CSMD1: variants seen among roughly 807,000 people sequenced by gnomAD.
CSMD1 encodes the protein CUB and sushi domain-containing protein 1.
Under a neutral mutation model 417.5 loss-of-function variants are expected in CSMD1, and 213 were observed. The observed-to-expected ratio is 0.51, with a 90% CI of 0.46 to 0.57. The LOEUF (loss-of-function observed/expected upper bound fraction) is 0.57. CSMD1 is among the 20% of genes least tolerant of loss of function. The pLI, the probability that CSMD1 is intolerant of heterozygous loss-of-function variation, is 0.00. For missense variants in CSMD1, 6,923 were observed against 4,529.7 expected (o/e 1.53, Z -15.17); for synonymous variants, 2,862 against 1,736.8 (o/e 1.65, Z -16.11).
intron 42 of CSMD1, among the ~76,000 whole-genome samples, chr8:3,111,147 C>T (rs1816490047): frequency 6.6e-6 from 1 of 152,114 alleles, no homozygotes; most frequent in African/African-American, 2.4e-5. Flanking sequence ...CCTCGAAGGG[C>T]TGTCAAAGAT....
In CSMD1 at chr8:3,288,093, G is replaced by A. The variant is rs1803289632; in HGVS notation, c.3951-3747C>T. ...TTTTTGTCTTTGGTTCTGTTTATAT[G>A]CTGGATTACATTTATCGATTTTCAT... On this transcript the variant is annotated intron_variant, in intron 25 of 69. Transcript: ENST00000635120. 1.4e-5 allele frequency among the ~76,000 whole-genome samples: 2 copies of A among 147,284 alleles called. 1 individual carries two copies. Among genetic ancestry groups the A allele is most frequent in the African/African-American group, 5.4e-5 (2 of 37,106 alleles).
intron 2 of CSMD1, among the ~76,000 whole-genome samples, chr8:4,546,016 C>T (rs1032475009): frequency 1.1e-4 from 17 of 152,314 alleles, no homozygotes; most frequent in Admixed American, 7.2e-4. Context: ...TCCACAGCTG[C>T]ATCTACAGAG....
rs146261814 is a variant in CSMD1, at chr8:4,174,515, A to C, written c.416-142416T>G. Among the ~76,000 whole-genome samples, 10 of 151,232 alleles carry C rather than the reference A, an allele frequency of 6.6e-5. No homozygotes were observed. In the East Asian group the frequency reaches 2.0e-3, roughly 30 times the overall value. On this transcript the variant is annotated intron_variant, in intron 3 of 69. Transcript: ENST00000635120. The stretch of plus-strand genomic sequence containing the variant: ...TGAGAAACTATGGGTATATATAATA[A>C]ATGACCCCCATGTCCACCCACCTCT...
intron 1 of CSMD1, among the ~76,000 whole-genome samples, chr8:4,927,898 G>A (rs1052283704): frequency 1.3e-5 from 2 of 152,096 alleles, no homozygotes; most frequent in African/African-American, 4.8e-5. Context: ...ACCTTGTCAT[G>A]TCCAGCAGCT....
intron 1 of CSMD1, among the ~76,000 whole-genome samples, chr8:4,760,335 T>C (rs944275745): frequency 1.3e-5 from 2 of 152,196 alleles, no homozygotes; most frequent in African/African-American, 2.4e-5. Flanking sequence ...GCTGGTTTCC[T>C]AGTGAAATCA....
intron 3 of CSMD1, among the ~76,000 whole-genome samples, chr8:4,140,884 G>T (rs185925048): frequency 6.6e-6 from 1 of 150,990 alleles, no homozygotes; most frequent in African/African-American, 2.5e-5. Flanking sequence ...ATTGCTGATC[G>T]CCAATGCACA....
intron 1 of CSMD1, among the ~76,000 whole-genome samples, chr8:4,909,740 C>T (rs1389397803): frequency 2.6e-5 from 4 of 152,162 alleles, no homozygotes; most frequent in African/African-American, 7.2e-5. Context: ...AGTGATCTCA[C>T]CTGTATATAG....
At chr8:4,588,898 G>A (rs1257552016) in intron 2 of CSMD1, among the ~76,000 whole-genome samples, 2 of 151,980 alleles carry the variant, frequency 1.3e-5, no homozygotes, top group East Asian at 3.9e-4. Context: ...AAACACTCCA[G>A]GGTGCCCTTT....
chr8:3,967,562 A>C (rs1297283051), intron 5 of CSMD1, among the ~76,000 whole-genome samples: 1 of 152,144 alleles, frequency 6.6e-6, no homozygotes, highest in African/African-American at 2.4e-5. Context: ...AGTTCAGCAA[A>C]TATCACCAGC....
chr8:4,258,682 G>A (rs947943245), intron 3 of CSMD1, among the ~76,000 whole-genome samples: 10 of 151,992 alleles, frequency 6.6e-5, no homozygotes, highest in Non-Finnish European at 1.3e-4. Flanking sequence ...ACCTTCCAGA[G>A]GACTTACCTC....
chr8:3,304,649 A>C (rs1477650267), intron 25 of CSMD1, among the ~76,000 whole-genome samples: 1 of 152,150 alleles, frequency 6.6e-6, no homozygotes, highest in Admixed American at 6.6e-5. Context: ...ATTGAAATAT[A>C]CGTATACGAA....
chr8:4,087,391 G>C lies in CSMD1; in HGVS notation c.416-55292C>G, dbSNP rs192118695. Among the ~76,000 whole-genome samples the C allele has an allele frequency of 1.1e-4, 16 of 152,262 alleles. No individual in the cohort carries two copies. In the East Asian group the frequency reaches 2.5e-3, roughly 24 times the overall value. On this transcript the variant is annotated intron_variant, in intron 3 of 69. Coordinates refer to ENST00000635120, the MANE Select transcript of CSMD1 (RefSeq NM_033225.6). ...CAAAGAACATGACCTAACACACATAGCTGTTCTTGCATTTTGAGCAGATGC... is the reference window on the plus strand; with the variant it reads ...CAAAGAACATGACCTAACACACATACCTGTTCTTGCATTTTGAGCAGATGC...
At chr8:3,784,103 T>C (rs59486738) in intron 5 of CSMD1, among the ~76,000 whole-genome samples, 52,527 of 151,976 alleles carry the variant, frequency 0.35, 9,252 homozygotes, top group Admixed American at 0.39. Flanking sequence ...TTAGTGTGTT[T>C]GGACAATAAT....
intron 21 of CSMD1, among the ~76,000 whole-genome samples, chr8:3,355,587 T>C (rs1808725891): frequency 6.6e-6 from 1 of 152,152 alleles, no homozygotes; most frequent in African/African-American, 2.4e-5. Flanking sequence ...CATAGCTGTT[T>C]CCACAGAACT....
intron 3 of CSMD1, among the ~76,000 whole-genome samples, chr8:4,319,892 T>A (rs1799169439): frequency 6.6e-6 from 1 of 152,116 alleles, no homozygotes; most frequent in Non-Finnish European, 1.5e-5. Context: ...GAGCTCAGGC[T>A]ACAGAAAGAT....
rs138413272 is a variant in CSMD1 at position 3,820,723 on chromosome 8, G to A, written c.819-66681C>T. Among the ~76,000 whole-genome samples, 750 of 152,192 alleles carry A rather than the reference G, an allele frequency of 4.9e-3. 4 individuals carry two copies. The highest frequency in any genetic ancestry group is 8.4e-3 in the Non-Finnish European group (573 of 67,998). ...CCTGAGTAGCTGGGACTACAGGCAT[G>A]CGCCACCGTGCCTGGCAAATTGTTG... On this transcript the variant is annotated intron_variant, in intron 5 of 69. Transcript: ENST00000635120.
At position 2,973,128 on chromosome 8, in the gene CSMD1, GGC is replaced by G; in HGVS notation, c.8910_8911del (p.Gln2970HisfsTer4). The stretch of plus-strand genomic sequence containing the variant: ...TTCTGGCTACTCACCCTCACACACC[GGC>G]TGCAGTCCTGACCATGACCCATTGA... On this transcript the variant is annotated frameshift_variant, in exon 57 of 70. Coordinates refer to ENST00000635120, the MANE Select transcript of CSMD1 (RefSeq NM_033225.6). LOFTEE classifies it high-confidence loss of function. The G allele has an allele frequency of 6.2e-7, 1 of 1,613,434 alleles. No individual in the cohort carries two copies. The highest frequency in any genetic ancestry group is 8.5e-7 in the Non-Finnish European group (1 of 1,179,562).
At chr8:4,425,279 G>C (rs141505566) in intron 2 of CSMD1, among the ~76,000 whole-genome samples, 3 of 151,714 alleles carry the variant, frequency 2.0e-5, no homozygotes, top group Admixed American at 6.6e-5. Flanking sequence ...ACTGTTCAGA[G>C]GTTTGGGGTA....
intron 2 of CSMD1, among the ~76,000 whole-genome samples, chr8:4,462,810 C>CA (rs1799916047): frequency 6.6e-6 from 1 of 151,450 alleles, no homozygotes; most frequent in Admixed American, 6.6e-5. Context: ...ACACTATCCA[C>CA]AAAAAAATTG....
Sources: gnomAD v4.1 joint callset for allele counts (sites outside exome capture counted in the v4.1 genomes callset) on GRCh38, gnomAD v4.1.1 for gene constraint, MANE v1.5 for transcripts, NCBI Gene and HGNC (gene_info 2026-07-23, HGNC 2026-07-21) for gene names.